GNG12: variants seen among roughly 807,000 people sequenced by gnomAD.
The protein encoded by GNG12 is guanine nucleotide-binding protein G(I)/G(S)/G(O) subunit gamma-12.
For synonymous variants in GNG12, 28 were observed against 29.7 expected (o/e 0.94, Z 0.19); for missense variants, 69 against 83.8 (o/e 0.82, Z 0.69).
chr1:67,765,197 C>G (rs1352869196), intron 2 of GNG12, among the ~76,000 whole-genome samples: 2 of 152,114 alleles, frequency 1.3e-5, no homozygotes, highest in African/African-American at 2.4e-5. Flanking sequence ...TCACATCCTT[C>G]TAAGGGAAAC....
chr1:67,736,251 T>G (rs903688312), intron 2 of GNG12, among the ~76,000 whole-genome samples: 5 of 152,040 alleles, frequency 3.3e-5, no homozygotes, highest in Admixed American at 2.6e-4. Context: ...CTTCTTCCGG[T>G]TGTGCCTGCC....
At chr1:67,819,979 T>C (rs987453933) in intron 1 of GNG12, among the ~76,000 whole-genome samples, 1 of 152,100 alleles carries the variant, frequency 6.6e-6, no homozygotes, top group Non-Finnish European at 1.5e-5. Context: ...TCACAGCACT[T>C]ACCCCTTTCT....
chr1:67,753,878 C>T (rs934201726), intron 2 of GNG12, among the ~76,000 whole-genome samples: 1 of 152,140 alleles, frequency 6.6e-6, no homozygotes, highest in African/African-American at 2.4e-5. Context: ...AGAATGCCTG[C>T]CCAGCAGGAC....
chr1:67,829,118 G>C (rs545409617), intron 1 of GNG12, among the ~76,000 whole-genome samples: 1 of 152,236 alleles, frequency 6.6e-6, no homozygotes, highest in East Asian at 1.9e-4. Flanking sequence ...AGCAGGTTGG[G>C]GGTGGGAGAG....
intron 1 of GNG12, among the ~76,000 whole-genome samples, chr1:67,787,028 T>C (rs1646773633): frequency 2.8e-5 from 3 of 106,556 alleles, no homozygotes; most frequent in South Asian, 7.1e-4. Context: ...TATATATGTA[T>C]GTGTATAAGT....
chr1:67,754,224 G>A (rs1043848101), intron 2 of GNG12, among the ~76,000 whole-genome samples: 8 of 152,014 alleles, frequency 5.3e-5, no homozygotes, highest in Admixed American at 3.3e-4. Context: ...TATGACTGCC[G>A]GTCACCTCTT....
intron 1 of GNG12, among the ~76,000 whole-genome samples, chr1:67,813,872 T>C (rs1646939422): frequency 6.6e-6 from 1 of 152,132 alleles, no homozygotes; most frequent in African/African-American, 2.4e-5. Context: ...ATCTAATCTA[T>C]TCAGTGTCAG....
chr1:67,766,138 A>G (rs1470176236), intron 2 of GNG12, among the ~76,000 whole-genome samples: 1 of 117,570 alleles, frequency 8.5e-6, no homozygotes, highest in Non-Finnish European at 1.9e-5. Flanking sequence ...ACACACACAC[A>G]CACACACACA....
rs1350453593 is a variant in GNG12 at position 67,713,151 on chromosome 1, C to T, written c.-26-5439G>A. ...GCATGCAAGCTAAACAAGACAGTTT[C>T]GGCTCCTAGACAAGGACTGAAGTTA... On this transcript the variant is annotated intron_variant, in intron 2 of 3. Coordinates refer to ENST00000370982, the MANE Select transcript of GNG12 (RefSeq NM_018841.6). Among the ~76,000 whole-genome samples the T allele has an allele frequency of 3.3e-5, 5 of 152,154 alleles. No homozygotes were observed. In the East Asian group the frequency reaches 7.7e-4, roughly 24 times the overall value.
chr1:67,825,733 G>C (rs951394784), intron 1 of GNG12, among the ~76,000 whole-genome samples: 3 of 152,116 alleles, frequency 2.0e-5, no homozygotes, highest in African/African-American at 7.2e-5. Flanking sequence ...GCCTACGGCT[G>C]GTCAATAAAT....
chr1:67,790,057 A>G (rs937119412), intron 1 of GNG12, among the ~76,000 whole-genome samples: 1 of 152,246 alleles, frequency 6.6e-6, no homozygotes, highest in African/African-American at 2.4e-5. Flanking sequence ...CTTTTCCTGT[A>G]TCATCAAGAG....
intron 2 of GNG12, among the ~76,000 whole-genome samples, chr1:67,729,739 A>G (rs1006802742): frequency 7.2e-5 from 11 of 152,180 alleles, no homozygotes; most frequent in Admixed American, 5.2e-4. Flanking sequence ...TCAGAGCACT[A>G]CTACTAATTG....
chr1:67,747,346 C>T (rs1646513305), intron 2 of GNG12, among the ~76,000 whole-genome samples: 1 of 152,164 alleles, frequency 6.6e-6, no homozygotes, highest in Non-Finnish European at 1.5e-5. Flanking sequence ...TCTCGAACTC[C>T]TGACCTCAAG....
At chr1:67,731,736 T>C (rs919135299) in intron 2 of GNG12, among the ~76,000 whole-genome samples, 2 of 152,230 alleles carry the variant, frequency 1.3e-5, no homozygotes, top group African/African-American at 4.8e-5. Context: ...CGGGGCATGA[T>C]ATGATCAGAT....
intron 1 of GNG12, among the ~76,000 whole-genome samples, chr1:67,789,979 A>G (rs961655298): frequency 1.3e-5 from 2 of 152,258 alleles, no homozygotes; most frequent in African/African-American, 4.8e-5. Context: ...AATATGGATT[A>G]GCAAAGAAAT....
chr1:67,797,800 T>G (rs1646840855), intron 1 of GNG12, among the ~76,000 whole-genome samples: 1 of 152,088 alleles, frequency 6.6e-6, no homozygotes, highest in Non-Finnish European at 1.5e-5. Context: ...GCACATAGCA[T>G]TTAACGAGAG....
chr1:67,790,265 C>T (rs75745024), intron 1 of GNG12, among the ~76,000 whole-genome samples: 2,539 of 152,288 alleles, frequency 0.017, 50 homozygotes, highest in Middle Eastern at 0.088. Context: ...TTTGCACCCC[C>T]GCCTCCACCA....
rs1646221343 is a variant in GNG12 at position 67,702,423 on chromosome 1, A to G, written c.*3028T>C. 6.6e-6 allele frequency: 1 copy of G among 152,188 alleles called. No individual in the cohort carries two copies. 9.4% of individuals were successfully genotyped at this position (152,188 alleles called of 1,614,324 possible). A position where few individuals can be genotyped will look rare whatever the true frequency, so the allele number is the denominator to read the frequency against. The stretch of plus-strand genomic sequence containing the variant: ...CATCCTCCACTACGTAAGCTACCCT[A>G]TGCCTCAAAATTACTAAATCATTGG... On this transcript the variant is annotated 3_prime_UTR_variant, in exon 4 of 4. Transcript: ENST00000370982.
intron 1 of GNG12, among the ~76,000 whole-genome samples, chr1:67,804,106 T>C (rs1186331598): frequency 6.6e-6 from 1 of 152,124 alleles, no homozygotes; most frequent in Non-Finnish European, 1.5e-5. Flanking sequence ...AGGGCCTCAG[T>C]AGAGAGCAGG....
Sources: allele counts gnomAD v4.1 joint callset (sites outside exome capture counted in the v4.1 genomes callset), GRCh38; gene constraint gnomAD v4.1.1; transcripts MANE v1.5; gene names NCBI Gene and HGNC (gene_info 2026-07-23, HGNC 2026-07-21).